The following SDAD1 variants were observed in gnomAD, a reference collection of about 807,000 sequenced individuals.
SDAD1 encodes SDA1 domain containing 1.
SDAD1 carries 79 observed loss-of-function variants against 100.3 expected under a neutral mutation model. The ratio of observed to expected loss-of-function variants is 0.79; its 90% confidence interval spans 0.66 to 0.95. The LOEUF is 0.95. Ranked by LOEUF, SDAD1 falls within the 40% of genes least tolerant of loss-of-function variation. SDAD1 has a pLI of 0.00. For synonymous variants in SDAD1, 267 were observed against 271.4 expected (o/e 0.98, Z 0.16); for missense variants, 790 against 810.9 (o/e 0.97, Z 0.31).
At chr4:75,960,463 G>A (rs969610023) in intron 16 of SDAD1, among the ~76,000 whole-genome samples, 9 of 152,072 alleles carry the variant, frequency 5.9e-5, no homozygotes, top group Admixed American at 2.0e-4. Flanking sequence ...GAATTTAAAA[G>A]GGAGCACTAT....
chr4:75,970,329 T>C lies in SDAD1; in HGVS notation c.863A>G (p.His288Arg), dbSNP rs1176500341. Reference sequence around the variant, plus strand: ...CGTACCTTGGGGATCATGAATCAAGTGAATGGCTGAAAAGTTAAACACCTC... The same window carrying C: ...CGTACCTTGGGGATCATGAATCAAGCGAATGGCTGAAAAGTTAAACACCTC... The part of the protein sequence containing the change: ...KPEVFNFSAI[H>R]LIHDPQDFAE... The change falls in exon 10 of 22, where the codon CAC (histidine) becomes CGC (arginine). Residue 288 changes from histidine to arginine, a missense_variant. His to Arg is a conservative substitution (Grantham distance 29, BLOSUM62 0). Transcript: ENST00000356260. 6.2e-7 allele frequency: 1 copy of C among 1,613,900 alleles called. No individual in the cohort carries two copies. Among genetic ancestry groups the C allele is most frequent in the Non-Finnish European group, 8.5e-7 (1 of 1,179,870 alleles).
At position 75,961,234 on chromosome 4, in the gene SDAD1, T is replaced by C. The variant is rs1560539368; in HGVS notation, c.1256A>G (p.Gln419Arg). 3 of 1,614,054 alleles carry C rather than the reference T, an allele frequency of 1.9e-6. No homozygotes were observed. Among genetic ancestry groups the C allele is most frequent in the Non-Finnish European group, 2.5e-6 (3 of 1,179,916 alleles). ...ACTCTTATCCTTGTGTGTTTTATAC[T>C]GAGCCAGGTCTTGGAGAAGTTCTTC... is the stretch of plus-strand genomic sequence containing the variant. ...MTEELLQDLAQYKTHKDKNVM... is the reference protein window; with the variant it reads ...MTEELLQDLARYKTHKDKNVM... The change falls in exon 15 of 22, where the codon CAG becomes CGG. Residue 419 changes from glutamine (Q) to arginine (R), a missense_variant. Coordinates refer to ENST00000356260, the MANE Select transcript of SDAD1 (RefSeq NM_018115.4).
chr4:75,958,972 C>A (rs1729062717), intron 17 of SDAD1, among the ~76,000 whole-genome samples: 1 of 151,404 alleles, frequency 6.6e-6, no homozygotes. Context: ...GTGGCGGGCG[C>A]CTGTAGTCCC....
intron 3 of SDAD1, among the ~76,000 whole-genome samples, chr4:75,978,072 C>T (rs1359457955): frequency 6.6e-6 from 1 of 152,034 alleles, no homozygotes; most frequent in Non-Finnish European, 1.5e-5. Flanking sequence ...TTTGTAGTGT[C>T]ATCATACGGC....
rs777780311 is a variant in SDAD1, at chr4:75,990,870, C to G, written c.-29G>C. ...GGCTGCAGACAGACTTCGCGGCGAG[C>G]AGTTTTAAAAAAACTCAGACGGCCG... On this transcript the variant is annotated 5_prime_UTR_variant, in exon 1 of 22. Coordinates refer to ENST00000356260, the MANE Select transcript of SDAD1 (RefSeq NM_018115.4). 6.8e-6 allele frequency: 11 copies of G among 1,613,910 alleles called. No individual in the cohort carries two copies. Among genetic ancestry groups the G allele is most frequent in the Middle Eastern group, 1.6e-4 (1 of 6,062 alleles).
intron 1 of SDAD1, among the ~76,000 whole-genome samples, chr4:75,983,571 T>C (rs1730681110): frequency 6.6e-6 from 1 of 152,256 alleles, no homozygotes; most frequent in South Asian, 2.1e-4. Flanking sequence ...TCACTGTTTG[T>C]TGGCCGCATA....
intron 4 of SDAD1, 83 bp downstream of exon 4, chr4:75,977,563 G>A: frequency 1.2e-6 from 1 of 862,520 alleles, no homozygotes; most frequent in Non-Finnish European, 2.0e-6. Context: ...TATTAACAAT[G>A]TAAAGCATCG....
intron 9 of SDAD1, among the ~76,000 whole-genome samples, chr4:75,970,760 G>A (rs534844546): frequency 4.6e-5 from 7 of 152,276 alleles, no homozygotes; most frequent in African/African-American, 1.4e-4. Context: ...TGCTATTCTC[G>A]TGATAGTGAG....
intron 14 of SDAD1, among the ~76,000 whole-genome samples, chr4:75,962,135 G>C (rs1160816318): frequency 6.6e-6 from 1 of 152,198 alleles, no homozygotes; most frequent in East Asian, 1.9e-4. Flanking sequence ...ACCTGTGAGT[G>C]AGAACATGTG....
intron 13 of SDAD1, among the ~76,000 whole-genome samples, chr4:75,965,449 A>T (rs1193163098): frequency 1.3e-5 from 2 of 152,138 alleles, no homozygotes; most frequent in Non-Finnish European, 2.9e-5. Context: ...TACCTTGTGA[A>T]GCATGTGATC....
intron 21 of SDAD1, among the ~76,000 whole-genome samples, chr4:75,954,851 A>T (rs1260814445): frequency 6.6e-6 from 1 of 152,088 alleles, no homozygotes; most frequent in Non-Finnish European, 1.5e-5. Context: ...ACCCTTGTGG[A>T]GAGCCTATAA....
intron 2 of SDAD1, 86 bp downstream of exon 2, chr4:75,981,847 A>G (rs960684531): frequency 6.3e-6 from 6 of 958,838 alleles, no homozygotes; most frequent in South Asian, 4.8e-5. Context: ...CCCATTCCAG[A>G]GTGGAATAAG....
At chr4:75,975,416 G>C (rs1730102019) in intron 6 of SDAD1, among the ~76,000 whole-genome samples, 1 of 152,172 alleles carries the variant, frequency 6.6e-6, no homozygotes, top group African/African-American at 2.4e-5. Context: ...TTTCAGCTCT[G>C]CCTCTTAATA....
intron 8 of SDAD1, among the ~76,000 whole-genome samples, chr4:75,971,676 GC>G (rs917799329): frequency 2.3e-4 from 35 of 152,176 alleles, no homozygotes; most frequent in Middle Eastern, 3.4e-3. Context: ...CTTGAGACCA[GC>G]CTGGCCAACA....
chr4:75,955,591 G>A (rs1394244854), intron 21 of SDAD1, among the ~76,000 whole-genome samples: 1 of 152,054 alleles, frequency 6.6e-6, no homozygotes, highest in Non-Finnish European at 1.5e-5. Context: ...GCATAAAATT[G>A]GCACTAAAAA....
At chr4:75,969,065 A>C (rs572405812) in intron 11 of SDAD1, among the ~76,000 whole-genome samples, 1 of 151,938 alleles carries the variant, frequency 6.6e-6, no homozygotes, top group African/African-American at 2.4e-5. Context: ...AGCAGAGAAT[A>C]AAATAGCCTG....
chr4:75,983,587 C>G (rs1730682303), intron 1 of SDAD1, among the ~76,000 whole-genome samples: 2 of 151,620 alleles, frequency 1.3e-5, no homozygotes, highest in South Asian at 4.1e-4. Context: ...GCATAAATGT[C>G]TTCTTTTGAG....
intron 4 of SDAD1, 21 bp from the exon 5 acceptor site, chr4:75,976,016 T>G: frequency 6.8e-7 from 1 of 1,473,492 alleles, no homozygotes; most frequent in Non-Finnish European, 9.5e-7. Flanking sequence ...GAAACAAAAA[T>G]ATATACATTA....
intron 13 of SDAD1, among the ~76,000 whole-genome samples, chr4:75,965,182 G>A (rs970058961): frequency 1.1e-4 from 17 of 152,100 alleles, no homozygotes; most frequent in African/African-American, 2.4e-4. Flanking sequence ...TGAAATGGCC[G>A]CTCTAGGGAC....
Sources: gnomAD v4.1 joint callset for allele counts (sites outside exome capture counted in the v4.1 genomes callset) on GRCh38, gnomAD v4.1.1 for gene constraint, MANE v1.5 for transcripts, NCBI Gene and HGNC (gene_info 2026-07-23, HGNC 2026-07-21) for gene names.